FRMD3: variants seen among roughly 807,000 people sequenced by gnomAD.
FRMD3 encodes FERM domain containing 3, also known as FERM domain-containing protein 3.
Under a neutral mutation model 70.2 loss-of-function variants are expected in FRMD3, and 33 were observed. The ratio of observed to expected loss-of-function variants is 0.47; its 90% CI spans 0.36 to 0.63. FRMD3 has a LOEUF of 0.63. FRMD3 is among the 20% of genes least tolerant of loss of function. The pLI, the probability that FRMD3 is intolerant of heterozygous loss-of-function variation, is 0.00. For missense variants in FRMD3, 632 were observed against 711.4 expected (o/e 0.89, Z 1.27); for synonymous variants, 279 against 255.9 (o/e 1.09, Z -0.86).
intron 3 of FRMD3, among the ~76,000 whole-genome samples, chr9:83,358,567 T>C (rs1824479934): frequency 6.6e-6 from 1 of 152,190 alleles, no homozygotes; most frequent in African/African-American, 2.4e-5. Context: ...TCCATGAGCA[T>C]GGGATGTGTT....
At chr9:83,415,405 C>T (rs891103080) in intron 1 of FRMD3, among the ~76,000 whole-genome samples, 1 of 151,508 alleles carries the variant, frequency 6.6e-6, no homozygotes, top group African/African-American at 2.4e-5. Flanking sequence ...GTACCACAAC[C>T]AGTAAAACTA....
chr9:83,473,569 T>C lies in FRMD3; in HGVS notation c.147+64516A>G, dbSNP rs1196300408. 2.0e-5 allele frequency among the ~76,000 whole-genome samples: 3 copies of C among 152,294 alleles called. No individual in the cohort carries two copies. The East Asian group carries it at 5.8e-4, about 29-fold the overall frequency. On this transcript the variant is annotated intron_variant, in intron 1 of 13. Transcript: ENST00000304195. ...TATCTTAGAAACAGAAAGTACATCATACACTTTCTATCTTAGAAACAGAAA... is the reference window on the plus strand; with the variant it reads ...TATCTTAGAAACAGAAAGTACATCACACACTTTCTATCTTAGAAACAGAAA...
intron 1 of FRMD3, among the ~76,000 whole-genome samples, chr9:83,476,985 C>G (rs1352031755): frequency 1.3e-5 from 2 of 152,162 alleles, no homozygotes; most frequent in African/African-American, 4.8e-5. Context: ...TCCCCAGTAC[C>G]TAACTAGCAC....
intron 1 of FRMD3, among the ~76,000 whole-genome samples, chr9:83,429,985 A>C (rs1826923767): frequency 6.6e-6 from 1 of 152,066 alleles, no homozygotes; most frequent in Non-Finnish European, 1.5e-5. Flanking sequence ...CACCACCACC[A>C]TTGCCAGTTT....
chr9:83,385,463 T>C (rs1483637796), intron 2 of FRMD3, among the ~76,000 whole-genome samples: 4 of 152,194 alleles, frequency 2.6e-5, no homozygotes, highest in Non-Finnish European at 5.9e-5. Context: ...TAGCAAAAGA[T>C]AGTCATCATT....
At chr9:83,317,130 T>TAA (rs991948259) in intron 6 of FRMD3, among the ~76,000 whole-genome samples, 1 of 146,576 alleles carries the variant, frequency 6.8e-6, no homozygotes, top group African/African-American at 2.5e-5. Context: ...GATCCTGTCT[T>TAA]AAAAAAAAAA....
At chr9:83,324,432 T>C (rs1387124391) in intron 6 of FRMD3, among the ~76,000 whole-genome samples, 5 of 152,176 alleles carry the variant, frequency 3.3e-5, no homozygotes, top group Admixed American at 2.6e-4. Flanking sequence ...TAGGGGATCA[T>C]GGATGTTTTT....
chr9:83,490,574 GC>G (rs983895792), intron 1 of FRMD3, among the ~76,000 whole-genome samples: 3 of 152,156 alleles, frequency 2.0e-5, no homozygotes, highest in African/African-American at 7.2e-5. Flanking sequence ...GAGCCATGGT[GC>G]CCAGCCTGTA....
intron 10 of FRMD3, among the ~76,000 whole-genome samples, chr9:83,300,548 G>A (rs964909215): frequency 1.1e-4 from 16 of 152,148 alleles, no homozygotes; most frequent in African/African-American, 3.9e-4. Context: ...ACTCAGAAGG[G>A]GAGGGTAGTA....
chr9:83,446,370 G>A (rs1163931713), intron 1 of FRMD3, among the ~76,000 whole-genome samples: 2 of 152,158 alleles, frequency 1.3e-5, no homozygotes, highest in African/African-American at 2.4e-5. Context: ...TCTGTTGGCC[G>A]GGCGCGGTGG....
At chr9:83,248,698 G>T (rs1832253954) in intron 13 of FRMD3, among the ~76,000 whole-genome samples, 182 bp from the exon 14 acceptor site, 1 of 152,100 alleles carries the variant, frequency 6.6e-6, no homozygotes, top group South Asian at 2.1e-4. Flanking sequence ...AAGTTCAAAG[G>T]TCAACATGCT....
At chr9:83,483,084 T>C (rs553176285) in intron 1 of FRMD3, among the ~76,000 whole-genome samples, 26 of 152,288 alleles carry the variant, frequency 1.7e-4, no homozygotes, top group African/African-American at 5.8e-4. Flanking sequence ...TGATTTGAAT[T>C]GTAATCCCCA....
At chr9:83,518,887 G>A (rs186909866) in intron 1 of FRMD3, among the ~76,000 whole-genome samples, 155 of 152,250 alleles carry the variant, frequency 1.0e-3, no homozygotes, top group Middle Eastern at 3.4e-3. Flanking sequence ...AACAAGCAAC[G>A]GGGAAAGGAT....
rs35161622 is a variant in FRMD3, at chr9:83,464,626, C to G, written c.147+73459G>C. On this transcript the variant is annotated intron_variant, in intron 1 of 13. Transcript: ENST00000304195. ...AGTGTCAGAGAGGCAATTTAATGAC[C>G]TACAACTCTTTCTGGTGGACACCTC... is the stretch of plus-strand genomic sequence containing the variant. Among the ~76,000 whole-genome samples the G allele has an allele frequency of 4.6e-5, 7 of 152,108 alleles. No individual in the cohort carries two copies. In the South Asian group the frequency reaches 1.4e-3, roughly 31 times the overall value.
the FRMD3 span, among the ~76,000 whole-genome samples, chr9:83,581,764 T>C: frequency 6.6e-6 from 1 of 152,188 alleles, no homozygotes; most frequent in African/African-American, 2.4e-5. Flanking sequence ...ATTCATACAA[T>C]AGCATATTAT....
At chr9:83,572,044 C>T in the FRMD3 span, among the ~76,000 whole-genome samples, 3 of 152,152 alleles carry the variant, frequency 2.0e-5, no homozygotes, top group African/African-American at 7.2e-5. Context: ...GATGCTAATG[C>T]TGCTGGTACT....
Position 83,245,388 on chromosome 9 carries a change from C to T in FRMD3, c.*2530G>A, listed in dbSNP as rs1032430208. 68 of 985,226 alleles carry T rather than the reference C, an allele frequency of 6.9e-5. No homozygotes were observed. Among genetic ancestry groups the T allele is most frequent in the South Asian group, 1.4e-4 (3 of 21,294 alleles). 61.0% of individuals were successfully genotyped at this position (985,226 alleles called of 1,614,324 possible). ...TTTCTAAAAGGCTCTGATTCTATGC[C>T]GAGCAAATGGCATTTCAAGATTCCA... is the stretch of plus-strand genomic sequence containing the variant. On this transcript the variant is annotated 3_prime_UTR_variant, in exon 14 of 14. Coordinates refer to ENST00000304195, the MANE Select transcript of FRMD3 (RefSeq NM_174938.6).
chr9:83,411,431 A>G (rs1214467775), intron 1 of FRMD3, among the ~76,000 whole-genome samples: 1 of 152,198 alleles, frequency 6.6e-6, no homozygotes, highest in East Asian at 1.9e-4. Context: ...CAACTGATTC[A>G]CTCTAAAGAA....
chr9:83,455,136 A>T (rs545522085), intron 1 of FRMD3, among the ~76,000 whole-genome samples: 1 of 152,350 alleles, frequency 6.6e-6, no homozygotes, highest in African/African-American at 2.4e-5. Flanking sequence ...ACAAACAATC[A>T]TGTACCCATC....
Sources: allele counts gnomAD v4.1 joint callset (sites outside exome capture counted in the v4.1 genomes callset), GRCh38; gene constraint gnomAD v4.1.1; transcripts MANE v1.5; gene names NCBI Gene and HGNC (gene_info 2026-07-23, HGNC 2026-07-21).